Variants in SGCG observed in about 807,000 individuals in gnomAD.
The protein encoded by SGCG is gamma-sarcoglycan.
In SGCG, 26 loss-of-function variants were observed where a neutral mutation model predicts 29.3. The observed-to-expected ratio is 0.89, with a 90% CI of 0.65 to 1.23. The LOEUF is 1.23. Ranked by LOEUF, SGCG falls within the 50% of genes most tolerant of loss-of-function variation. The pLI is 0.00. For missense variants in SGCG, 353 were observed against 356.0 expected, an observed-to-expected ratio of 0.99 and a Z score of 0.07; for synonymous variants, 145 against 129.7, an observed-to-expected ratio of 1.12 and a Z score of -0.80.
chr13:23,244,266 C>T (rs994349898), intron 3 of SGCG: 1 of 152,146 alleles, frequency 6.6e-6, no homozygotes, highest in African/African-American at 2.4e-5. Context: ...ATCACTGTAT[C>T]GTATCAGGAT....
At chr13:23,298,706 A>G in intron 6 of SGCG, among the ~76,000 whole-genome samples, 1 of 152,340 alleles carries the variant, frequency 6.6e-6, no homozygotes, top group East Asian at 1.9e-4. Flanking sequence ...AATAATATAG[A>G]TTGTAGAAAT....
At chr13:23,212,891 G>A (rs1878280267) in intron 2 of SGCG, among the ~76,000 whole-genome samples, 1 of 152,098 alleles carries the variant, frequency 6.6e-6, no homozygotes, top group Non-Finnish European at 1.5e-5. Context: ...ATGAGTAGCA[G>A]GAGTCCTTGA....
intron 4 of SGCG, 120 bp from the exon 5 acceptor site, chr13:23,279,239 G>A: frequency 1.1e-6 from 1 of 923,016 alleles, no homozygotes; most frequent in East Asian, 2.7e-5. Flanking sequence ...ACCACTAATG[G>A]TAACAAATAC....
At chr13:23,282,588 T>C (rs1881347364) in intron 5 of SGCG, among the ~76,000 whole-genome samples, 1 of 152,198 alleles carries the variant, frequency 6.6e-6, no homozygotes, top group African/African-American at 2.4e-5. Context: ...CAGTATTTGG[T>C]TTTCTATTAC....
chr13:23,292,444 C>T (rs961298183), intron 5 of SGCG, among the ~76,000 whole-genome samples: 6 of 152,224 alleles, frequency 3.9e-5, no homozygotes, highest in African/African-American at 1.4e-4. Context: ...CCAACTTTCT[C>T]TTTGTTCTTT....
intron 5 of SGCG, 70 bp from the exon 6 acceptor site, chr13:23,295,345 C>G: frequency 8.4e-7 from 1 of 1,193,966 alleles, no homozygotes; most frequent in Non-Finnish European, 1.3e-6. Flanking sequence ...AATATCTAGG[C>G]TAAATGTTTA....
intron 4 of SGCG, among the ~76,000 whole-genome samples, chr13:23,261,467 C>T (rs61946684): frequency 0.085 from 12,880 of 151,820 alleles, 707 homozygotes; most frequent in South Asian, 0.14. Flanking sequence ...TAAAGAAAAA[C>T]AAATTTAAAG....
chr13:23,251,650 G>A (rs1226429121), intron 4 of SGCG, among the ~76,000 whole-genome samples: 1 of 152,124 alleles, frequency 6.6e-6, no homozygotes, highest in African/African-American at 2.4e-5. Context: ...GTGCACGTCT[G>A]TAGTCGCAGC....
At chr13:23,268,357 G>A (rs1460894503) in intron 4 of SGCG, 2 of 152,242 alleles carry the variant, frequency 1.3e-5, no homozygotes, top group African/African-American at 4.8e-5. Flanking sequence ...TTTTGGCCCA[G>A]TGAGGAATAC....
At chr13:23,204,334 GC>G in intron 2 of SGCG, among the ~76,000 whole-genome samples, 1 of 152,064 alleles carries the variant, frequency 6.6e-6, no homozygotes, top group East Asian at 1.9e-4. Context: ...AAAACCCTAT[GC>G]TGATGTACAG....
At chr13:23,222,641 C>G (rs2137529783) in intron 2 of SGCG, among the ~76,000 whole-genome samples, 1 of 152,146 alleles carries the variant, frequency 6.6e-6, no homozygotes, top group African/African-American at 2.4e-5. Flanking sequence ...CCCTGGCCAA[C>G]ATGGTGAAAC....
At chr13:23,264,933 G>C (rs1281869874) in intron 4 of SGCG, among the ~76,000 whole-genome samples, 1 of 152,122 alleles carries the variant, frequency 6.6e-6, no homozygotes, top group Non-Finnish European at 1.5e-5. Context: ...ATTAGCTCTA[G>C]ATGGGTTTAA....
At chr13:23,167,731 C>CT in the SGCG span, among the ~76,000 whole-genome samples, 228 of 146,198 alleles carry the variant, frequency 1.6e-3, no homozygotes, top group Middle Eastern at 6.9e-3. Context: ...ATCTTTTGCC[C>CT]TTTTTTTTTT....
chr13:23,282,380 A>G (rs1160405719), intron 5 of SGCG, among the ~76,000 whole-genome samples: 1 of 152,154 alleles, frequency 6.6e-6, no homozygotes, highest in Non-Finnish European at 1.5e-5. Flanking sequence ...CAGGTTTGTT[A>G]TATAGGTAAC....
intron 3 of SGCG, chr13:23,246,609 A>AT (rs1879721007): frequency 5.0e-6 from 1 of 200,484 alleles, no homozygotes; most frequent in Admixed American, 4.7e-5. Flanking sequence ...GCCCATTATT[A>AT]TAATGACTAT....
intron 5 of SGCG, among the ~76,000 whole-genome samples, chr13:23,283,354 T>G (rs888939551): frequency 6.6e-6 from 1 of 152,144 alleles, no homozygotes; most frequent in East Asian, 1.9e-4. Flanking sequence ...TTGAATTGAT[T>G]CCTTTACCAT....
chr13:23,206,992 A>G (rs948795446), intron 2 of SGCG, among the ~76,000 whole-genome samples: 1 of 152,216 alleles, frequency 6.6e-6, no homozygotes, highest in Non-Finnish European at 1.5e-5. Flanking sequence ...GGAACCACAA[A>G]AGACCTGAAA....
chr13:23,323,413 G>C (rs1883120706), intron 7 of SGCG, among the ~76,000 whole-genome samples: 1 of 152,196 alleles, frequency 6.6e-6, no homozygotes, highest in African/African-American at 2.4e-5. Context: ...GCAGACAGCA[G>C]GTTGTTAATA....
intron 1 of SGCG, among the ~76,000 whole-genome samples, chr13:23,189,097 C>T (rs1393336063): frequency 6.6e-6 from 1 of 152,204 alleles, no homozygotes; most frequent in African/African-American, 2.4e-5. Context: ...CCCGTCCTCT[C>T]ACTACACAGG....
Sources: gnomAD v4.1 joint callset for allele counts (sites outside exome capture counted in the v4.1 genomes callset) on GRCh38, gnomAD v4.1.1 for gene constraint, MANE v1.5 for transcripts, NCBI Gene and HGNC (gene_info 2026-07-23, HGNC 2026-07-21) for gene names.